The following TSHZ2 variants were observed in gnomAD, a reference collection of about 807,000 sequenced individuals.
TSHZ2 encodes teashirt homolog 2.
A neutral mutation model predicts 74.4 loss-of-function variants in TSHZ2; 21 were observed. The observed-to-expected ratio is 0.28, with a 90% CI of 0.20 to 0.41. The LOEUF (loss-of-function observed/expected upper bound fraction) is 0.41, where lower values mean the gene tolerates loss of function less well. Among genes scored for constraint, TSHZ2 ranks in the 10% least tolerant of loss-of-function variants. The probability of loss-of-function intolerance (pLI) is 1.00; values close to 1 mark genes in which losing one functional copy is unlikely to be tolerated. For missense variants in TSHZ2, 1,244 were observed against 1,293.5 expected (o/e 0.96, Z 0.59); for synonymous variants, 540 against 515.3 (o/e 1.05, Z -0.65).
intron 1 of TSHZ2, among the ~76,000 whole-genome samples, chr20:53,128,354 C>A (rs1422313489): frequency 6.6e-6 from 1 of 152,070 alleles, no homozygotes; most frequent in East Asian, 1.9e-4. Context: ...GCCTTGGTGC[C>A]TTGGTTTTAT....
Position 52,975,549 on chromosome 20 carries a change from T to C in TSHZ2, c.40+2216T>C, listed in dbSNP as rs555741934. Among the ~76,000 whole-genome samples, 23 of 152,112 alleles carry C rather than the reference T, an allele frequency of 1.5e-4. No individual in the cohort carries two copies. In the South Asian group the frequency reaches 4.8e-3, roughly 32 times the overall value. Reference sequence around the variant, plus strand: ...TGTGTGTGTGTGTGTGTTAGAAACTTGTAACTATAGTTTCAGTTTTCTGGC... The same window carrying C: ...TGTGTGTGTGTGTGTGTTAGAAACTCGTAACTATAGTTTCAGTTTTCTGGC... On this transcript the variant is annotated intron_variant, in intron 1 of 2. Transcript: ENST00000371497.
chr20:53,389,257 G>A (rs1196326817), intron 2 of TSHZ2, among the ~76,000 whole-genome samples: 2 of 152,172 alleles, frequency 1.3e-5, no homozygotes, highest in Non-Finnish European at 2.9e-5. Context: ...AGTTAACTCT[G>A]CAATATCATT....
intron 1 of TSHZ2, among the ~76,000 whole-genome samples, chr20:53,087,305 C>G (rs1407132778): frequency 6.6e-6 from 1 of 152,230 alleles, no homozygotes; most frequent in African/African-American, 2.4e-5. Flanking sequence ...CTTCACGTTT[C>G]CGTTACTGTA....
At chr20:53,278,959 C>A (rs1222474295) in intron 2 of TSHZ2, among the ~76,000 whole-genome samples, 3 of 152,168 alleles carry the variant, frequency 2.0e-5, no homozygotes, top group Admixed American at 1.3e-4. Context: ...GCCTTACCAA[C>A]AACATAAAGT....
intron 2 of TSHZ2, among the ~76,000 whole-genome samples, chr20:53,461,770 T>C (rs1038155878): frequency 1.3e-5 from 2 of 152,222 alleles, no homozygotes; most frequent in Non-Finnish European, 2.9e-5. Flanking sequence ...AATTAACATC[T>C]GAGATTGCTC....
chr20:53,396,232 C>T (rs550915532), intron 2 of TSHZ2, among the ~76,000 whole-genome samples: 13 of 152,306 alleles, frequency 8.5e-5, no homozygotes, highest in South Asian at 8.3e-4. Context: ...CCACTGTGCC[C>T]GGCCATTTTA....
In TSHZ2 at chr20:53,274,006, C is replaced by T. The variant is rs575699428; in HGVS notation, c.*8+17435C>T. Reference sequence around the variant, plus strand: ...TAAAAGTAAACCACTAGTGGCCGGGCGCAGTGACTCACACCTGTAATCCCA... The same window carrying T: ...TAAAAGTAAACCACTAGTGGCCGGGTGCAGTGACTCACACCTGTAATCCCA... On this transcript the variant is annotated intron_variant, in intron 2 of 2. Coordinates refer to ENST00000371497, the MANE Select transcript of TSHZ2 (RefSeq NM_173485.6). Among the ~76,000 whole-genome samples the T allele has an allele frequency of 6.2e-4, 95 of 152,274 alleles. 1 individual carries two copies. In the Middle Eastern group the frequency reaches 0.021, roughly 33 times the overall value.
intron 2 of TSHZ2, among the ~76,000 whole-genome samples, chr20:53,295,042 T>TA (rs1277562799): frequency 6.6e-6 from 1 of 152,258 alleles, no homozygotes; most frequent in Non-Finnish European, 1.5e-5. Flanking sequence ...ATCATCTTGT[T>TA]ACTTTCCATT....
intron 2 of TSHZ2, among the ~76,000 whole-genome samples, chr20:53,442,805 C>T (rs1418844382): frequency 3.3e-5 from 5 of 152,164 alleles, no homozygotes; most frequent in East Asian, 1.9e-4. Flanking sequence ...TGTATTCCCC[C>T]GTTTCGATAT....
intron 1 of TSHZ2, among the ~76,000 whole-genome samples, chr20:53,007,845 G>A (rs978983736): frequency 2.0e-5 from 3 of 151,754 alleles, no homozygotes; most frequent in African/African-American, 7.3e-5. Context: ...TCCAAATTAG[G>A]TTTCATCAGG....
intron 1 of TSHZ2, among the ~76,000 whole-genome samples, chr20:53,037,430 C>G (rs6013612): frequency 0.4 from 60,963 of 152,116 alleles, 13,965 homozygotes; most frequent in East Asian, 0.71. Context: ...AGACATGGAC[C>G]TAAGACTCCA....
At chr20:53,287,792 G>A (rs559161820) in intron 2 of TSHZ2, among the ~76,000 whole-genome samples, 1 of 152,140 alleles carries the variant, frequency 6.6e-6, no homozygotes, top group East Asian at 1.9e-4. Flanking sequence ...CATTTTTTAG[G>A]AGTTAATATT....
chr20:53,254,641 C>T lies in TSHZ2; in HGVS notation c.1183C>T (p.Leu395Phe). 1 of 1,614,130 alleles carries T rather than the reference C, an allele frequency of 6.2e-7. No homozygotes were observed. ...GAGCTCCCATGACACCTTGCAGCAG[C>T]TCACCACCCACATGATGGTCACAGG... ...CGSSHDTLQQ[L>F]TTHMMVTGHF... Residue 395 changes from leucine (L) to phenylalanine (F), a missense_variant, in exon 2 of 3, where the codon CTC (leucine) becomes TTC (phenylalanine). Transcript: ENST00000371497.
intron 2 of TSHZ2, among the ~76,000 whole-genome samples, chr20:53,469,073 A>ATATATAT (rs1345092464): frequency 1.5e-5 from 2 of 130,562 alleles, no homozygotes; most frequent in Non-Finnish European, 3.3e-5. Flanking sequence ...ATATATATAT[A>ATATATAT]TATATATATA....
chr20:53,406,560 G>A (rs1477659406), intron 2 of TSHZ2, among the ~76,000 whole-genome samples: 1 of 152,084 alleles, frequency 6.6e-6, no homozygotes, highest in Non-Finnish European at 1.5e-5. Flanking sequence ...ACAAGCAAGG[G>A]CCACTAAACA....
chr20:53,483,978 G>A (rs1013600607), intron 2 of TSHZ2, among the ~76,000 whole-genome samples: 1 of 152,160 alleles, frequency 6.6e-6, no homozygotes, highest in African/African-American at 2.4e-5. Flanking sequence ...CAGTAGGCCT[G>A]GTGTGAAACA....
At chr20:53,061,794 T>C (rs1049374163) in intron 1 of TSHZ2, among the ~76,000 whole-genome samples, 1 of 152,202 alleles carries the variant, frequency 6.6e-6, no homozygotes, top group African/African-American at 2.4e-5. Context: ...TTATGTATGA[T>C]TTAAACTCAA....
intron 1 of TSHZ2, among the ~76,000 whole-genome samples, chr20:53,204,724 C>G (rs944015908): frequency 6.6e-6 from 1 of 152,084 alleles, no homozygotes; most frequent in African/African-American, 2.4e-5. Context: ...CAGAATAACT[C>G]TTTGAAGCTA....
At chr20:53,268,797 T>C (rs1990771131) in intron 2 of TSHZ2, among the ~76,000 whole-genome samples, 1 of 152,144 alleles carries the variant, frequency 6.6e-6, no homozygotes, top group Non-Finnish European at 1.5e-5. Flanking sequence ...ACTTAAATTA[T>C]AGTAGATGCT....
Sources: gnomAD v4.1 joint callset for allele counts (sites outside exome capture counted in the v4.1 genomes callset) on GRCh38, gnomAD v4.1.1 for gene constraint, MANE v1.5 for transcripts, NCBI Gene and HGNC (gene_info 2026-07-23, HGNC 2026-07-21) for gene names.